Variants in THADA observed in about 807,000 individuals in gnomAD.
THADA encodes THADA armadillo repeat containing.
In THADA, 213 loss-of-function variants were observed where a neutral mutation model predicts 219.8. The ratio of observed to expected loss-of-function variants is 0.97; its 90% CI spans 0.87 to 1.09. The LOEUF is 1.09. Ranked by LOEUF, THADA falls within the 50% of genes least tolerant of loss-of-function variation. THADA has a pLI of 0.00. For synonymous variants in THADA, 1,018 were observed against 828.9 expected, an observed-to-expected ratio of 1.23 and a Z score of -3.92; for missense variants, 2,956 against 2,311.3, an observed-to-expected ratio of 1.28 and a Z score of -5.72.
intron 8 of THADA, among the ~76,000 whole-genome samples, chr2:43,578,845 G>A (rs1279834345): frequency 6.6e-6 from 1 of 152,102 alleles, no homozygotes; most frequent in East Asian, 1.9e-4. Context: ...GAACATAAAC[G>A]CTTTTTAGAA....
intron 16 of THADA, among the ~76,000 whole-genome samples, chr2:43,559,140 C>T (rs1301010705): frequency 6.6e-6 from 1 of 152,134 alleles, no homozygotes; most frequent in Non-Finnish European, 1.5e-5. Context: ...TGAGGAGTGG[C>T]AGACAGAGGA....
At chr2:43,472,618 G>A (rs1193251834) in intron 26 of THADA, among the ~76,000 whole-genome samples, 1 of 152,160 alleles carries the variant, frequency 6.6e-6, no homozygotes, top group Admixed American at 6.6e-5. Flanking sequence ...TGTGTTTTTA[G>A]TACATATAAC....
At chr2:43,531,642 C>A (rs1693892627) in intron 21 of THADA, among the ~76,000 whole-genome samples, 1 of 152,080 alleles carries the variant, frequency 6.6e-6, no homozygotes, top group Non-Finnish European at 1.5e-5. Context: ...ACAACAAAAT[C>A]AGAAACAATT....
intron 22 of THADA, among the ~76,000 whole-genome samples, chr2:43,511,444 T>G (rs189997948): frequency 6.6e-6 from 1 of 152,136 alleles, no homozygotes; most frequent in Non-Finnish European, 1.5e-5. Flanking sequence ...GCATCACCCT[T>G]CCCTGCATGA....
rs570493502 is a variant in THADA, at chr2:43,264,140, AT to A, written c.5296+15624del. On this transcript the variant is annotated intron_variant, in intron 36 of 37. Coordinates refer to ENST00000405975, the MANE Select transcript of THADA (RefSeq NM_022065.5). Reference sequence around the variant, plus strand: ...GGGGCACCTTGCCTATTGGGGACTGATTTTTTTTTTTAAAGCCCATGGTTTC... The same window carrying A: ...GGGGCACCTTGCCTATTGGGGACTGATTTTTTTTTTAAAGCCCATGGTTTC... Among the ~76,000 whole-genome samples, 1,366 of 147,740 alleles carry A rather than the reference AT, an allele frequency of 9.2e-3. 12 individuals carry two copies. The highest frequency in any genetic ancestry group is 0.014 in the Non-Finnish European group (925 of 66,508).
rs1172159359 is a variant in THADA, at chr2:43,514,646, A to T, written c.3375-5866T>A. Among the ~76,000 whole-genome samples, 145 of 82,114 alleles carry T rather than the reference A, an allele frequency of 1.8e-3. 2 individuals carry two copies. Among genetic ancestry groups the T allele is most frequent in the African/African-American group, 8.4e-3 (139 of 16,456 alleles). The allele number at this position is 82,114 out of a possible 152,430, so 53.9% of individuals were successfully genotyped here. A position where few individuals can be genotyped will look rare whatever the true frequency, so the allele number is the denominator to read the frequency against. ...TATATATATGTATATTTTATATATA[A>T]TATATATATTGTATATAATAATATA... On this transcript the variant is annotated intron_variant, in intron 22 of 37. Transcript: ENST00000405975.
intron 29 of THADA, among the ~76,000 whole-genome samples, chr2:43,357,685 A>G (rs1465832285): frequency 6.6e-6 from 1 of 152,190 alleles, no homozygotes; most frequent in African/African-American, 2.4e-5. Context: ...ATGTACAGCC[A>G]AACTGTACAG....
At chr2:43,238,779 C>A (rs949357617) in intron 36 of THADA, among the ~76,000 whole-genome samples, 1 of 151,954 alleles carries the variant, frequency 6.6e-6, no homozygotes, top group African/African-American at 2.4e-5. Flanking sequence ...TAGTAATCAG[C>A]CACAAAAGGG....
intron 26 of THADA, 42 bp downstream of exon 26, chr2:43,485,192 T>A (rs534843916): frequency 1.7e-5 from 25 of 1,487,286 alleles, no homozygotes; most frequent in Non-Finnish European, 2.3e-5. Flanking sequence ...GACAATATTG[T>A]ATTTTTTAAA....
chr2:43,266,945 G>A (rs527624318), intron 36 of THADA, among the ~76,000 whole-genome samples: 3 of 152,128 alleles, frequency 2.0e-5, no homozygotes, highest in Admixed American at 6.5e-5. Context: ...CCTCCCTCCC[G>A]CCATTGCTCC....
intron 28 of THADA, among the ~76,000 whole-genome samples, chr2:43,411,046 C>T (rs7567607): frequency 0.68 from 103,948 of 152,160 alleles, 36,678 homozygotes; most frequent in African/African-American, 0.82. Flanking sequence ...AATTAATGTT[C>T]CCTTGTGCTC....
Position 43,570,467 on chromosome 2 carries a change from A to T in THADA, c.2108T>A (p.Leu703Ter). 1 of 1,613,244 alleles carries T rather than the reference A, an allele frequency of 6.2e-7. No individual in the cohort carries two copies. The highest frequency in any genetic ancestry group is 8.5e-7 in the Non-Finnish European group (1 of 1,179,644). ...TTCACGTTTGGATTTACTCTGCTCCAATTTATAAAGTACCTGAGAACTTTC... is the reference window on the plus strand; with the variant it reads ...TTCACGTTTGGATTTACTCTGCTCCTATTTATAAAGTACCTGAGAACTTTC... ...IQESSQVLYK[L>*]EQSKSKREPE... The change falls in exon 14 of 38, where the codon TTG becomes TAG. Residue 703 changes from leucine (L) to a stop codon, truncating the protein, a stop_gained. Transcript: ENST00000405975. LOFTEE classifies it high-confidence loss of function.
chr2:43,336,196 C>G (rs756717042), intron 30 of THADA, among the ~76,000 whole-genome samples: 10 of 152,084 alleles, frequency 6.6e-5, no homozygotes, highest in Non-Finnish European at 1.0e-4. Flanking sequence ...GAGTTCAAGG[C>G]TGCACTGAGC....
chr2:43,471,548 AATATAAAGAGTAC>A (rs1684905950), intron 26 of THADA, among the ~76,000 whole-genome samples: 1 of 152,144 alleles, frequency 6.6e-6, no homozygotes, highest in Non-Finnish European at 1.5e-5. Flanking sequence ...AAAATAAAGT[AATATAAAGAGTAC>A]ATATCTAAAA....
At chr2:43,404,574 T>C (rs1192562816) in intron 28 of THADA, among the ~76,000 whole-genome samples, 4 of 152,092 alleles carry the variant, frequency 2.6e-5, no homozygotes, top group Non-Finnish European at 5.9e-5. Flanking sequence ...CTCTGCCTAC[T>C]CCAATTGCAT....
At chr2:43,540,947 T>C (rs1457453924) in intron 21 of THADA, among the ~76,000 whole-genome samples, 1 of 152,222 alleles carries the variant, frequency 6.6e-6, no homozygotes, top group African/African-American at 2.4e-5. Context: ...CAGTTATTTA[T>C]ATACCTTAGA....
intron 30 of THADA, among the ~76,000 whole-genome samples, chr2:43,325,211 AG>A (rs1679181580): frequency 6.6e-6 from 1 of 152,156 alleles, no homozygotes; most frequent in South Asian, 2.1e-4. Context: ...CAAAAGCCCC[AG>A]TGTCTAGAGG....
At chr2:43,275,615 C>G (rs1336752770) in intron 36 of THADA, among the ~76,000 whole-genome samples, 1 of 152,178 alleles carries the variant, frequency 6.6e-6, no homozygotes, top group Non-Finnish European at 1.5e-5. Flanking sequence ...GTATTTCCAG[C>G]TAAGCCACAC....
intron 17 of THADA, among the ~76,000 whole-genome samples, chr2:43,554,508 C>T (rs937915062): frequency 6.6e-6 from 1 of 151,986 alleles, no homozygotes; most frequent in Non-Finnish European, 1.5e-5. Context: ...CAAAGGACAT[C>T]GACAGGCATT....
Sources: gnomAD v4.1 joint callset for allele counts (sites outside exome capture counted in the v4.1 genomes callset) on GRCh38, gnomAD v4.1.1 for gene constraint, MANE v1.5 for transcripts, NCBI Gene and HGNC (gene_info 2026-07-23, HGNC 2026-07-21) for gene names.